The following SCN8A variants were observed in gnomAD, a reference collection of about 807,000 sequenced individuals.
The protein encoded by SCN8A is sodium voltage-gated channel alpha subunit 8, also known as sodium channel protein type 8 subunit alpha.
In SCN8A, 30 loss-of-function variants were observed where a neutral mutation model predicts 184.1. The ratio of observed to expected loss-of-function variants is 0.16; its 90% CI spans 0.12 to 0.22. The LOEUF (loss-of-function observed/expected upper bound fraction) is 0.22, where lower values mean the gene tolerates loss of function less well. Ranked by LOEUF, SCN8A falls within the 10% of genes least tolerant of loss-of-function variation. SCN8A has a pLI of 1.00. For missense variants in SCN8A, 1,057 were observed against 2,498.9 expected, an observed-to-expected ratio of 0.42 and a Z score of 12.30; for synonymous variants, 852 against 907.0, an observed-to-expected ratio of 0.94 and a Z score of 1.09.
At position 51,806,547 on chromosome 12, in the gene SCN8A, C is replaced by T. The variant is rs2138942775; in HGVS notation, c.5061C>T (p.Asn1687=). The change falls in exon 27 of 27, where the codon AAC becomes AAT. Residue 1687 remains asparagine, a synonymous_variant. Coordinates refer to ENST00000627620, the MANE Select transcript of SCN8A (RefSeq NM_001330260.2). The surrounding 1 kb of genome is among the most constrained non-coding windows in gnomAD (Gnocchi z 8.7). ...AGGCTGGTATCGATGACATGTTCAACTTTGAGACATTTGGCAACAGCATGA... is the reference window on the plus strand; with the variant it reads ...AGGCTGGTATCGATGACATGTTCAATTTTGAGACATTTGGCAACAGCATGA... ...KHEAGIDDMF[N]FETFGNSMIC... 6.2e-7 allele frequency: 1 copy of T among 1,614,172 alleles called. No individual in the cohort carries two copies. The highest frequency in any genetic ancestry group is 1.3e-5 in the African/African-American group (1 of 75,042).
intron 26 of SCN8A, among the ~76,000 whole-genome samples, chr12:51,801,450 T>C (rs554660530): frequency 6.6e-6 from 1 of 152,198 alleles, no homozygotes; most frequent in Non-Finnish European, 1.5e-5. Flanking sequence ...CTAAGGTGAC[T>C]AATCCACTCT....
chr12:51,777,443 G>A (rs1472277439), intron 20 of SCN8A, among the ~76,000 whole-genome samples: 1 of 151,938 alleles, frequency 6.6e-6, no homozygotes, highest in East Asian at 1.9e-4. Flanking sequence ...TGAATTTGAT[G>A]TCTCCTCAAT....
At chr12:51,603,710 AC>A (rs1218631637) in intron 1 of SCN8A, among the ~76,000 whole-genome samples, 2 of 152,074 alleles carry the variant, frequency 1.3e-5, no homozygotes, top group African/African-American at 4.8e-5. Flanking sequence ...CCTCATTGGC[AC>A]TTGGAATTGT....
intron 18 of SCN8A, 105 bp from the exon 19 acceptor site, chr12:51,770,424 C>T: frequency 8.0e-7 from 1 of 1,252,776 alleles, no homozygotes; most frequent in Non-Finnish European, 1.1e-6. Context: ...GTCCTCCTGG[C>T]TGTGTGGTGG....
chr12:51,626,704 T>C (rs1222171465), intron 1 of SCN8A, among the ~76,000 whole-genome samples: 1 of 152,040 alleles, frequency 6.6e-6, no homozygotes, highest in Non-Finnish European at 1.5e-5. Flanking sequence ...AGGACAAAAA[T>C]ACATTCTCTC....
At position 51,639,879 on chromosome 12, in the gene SCN8A, C is replaced by CTTTTTTTTTTTTTTTTTTTTTT. The variant is rs71092712; in HGVS notation, c.-54-22868_-54-22847dup. 1.5e-3 allele frequency among the ~76,000 whole-genome samples: 22 copies of CTTTTTTTTTTTTTTTTTTTTTT among 15,072 alleles called. 10 individuals are homozygous for CTTTTTTTTTTTTTTTTTTTTTT. The highest frequency in any genetic ancestry group is 6.5e-3 in the East Asian group (2 of 308). 9.9% of individuals were successfully genotyped at this position (15,072 alleles called of 152,430 possible). ...AGTATTTTTTGAATTAAGGTATATG[C>CTTTTTTTTTTTTTTTTTTTTTT]TTTTTTTTTTTTTTTTTTTTTTTTT... is the stretch of plus-strand genomic sequence containing the variant. On this transcript the variant is annotated intron_variant, in intron 1 of 26. Coordinates refer to ENST00000627620, the MANE Select transcript of SCN8A (RefSeq NM_001330260.2).
chr12:51,802,027 C>G (rs1048432293), intron 26 of SCN8A, among the ~76,000 whole-genome samples: 10 of 151,984 alleles, frequency 6.6e-5, no homozygotes, highest in African/African-American at 2.4e-4. Context: ...TGCACTCTAG[C>G]CTGGGTGACA....
At chr12:51,788,813 C>A in intron 23 of SCN8A, 65 bp downstream of exon 23, 1 of 1,386,942 alleles carries the variant, frequency 7.2e-7, no homozygotes, top group South Asian at 1.3e-5. Context: ...GCATGGTATA[C>A]CGAGCCCACC....
chr12:51,687,917 G>A (rs1941445261), intron 5 of SCN8A, among the ~76,000 whole-genome samples: 1 of 152,172 alleles, frequency 6.6e-6, no homozygotes, highest in Non-Finnish European at 1.5e-5. Flanking sequence ...GAGTGTAGTG[G>A]GGGTGGTGTA....
rs373541157 is a variant in SCN8A at position 51,662,950 on chromosome 12, C to T, written c.133C>T (p.Arg45Trp). 1.9e-6 allele frequency: 3 copies of T among 1,614,004 alleles called. No homozygotes were observed. The highest frequency in any genetic ancestry group is 2.5e-6 in the Non-Finnish European group (3 of 1,179,894). ...ACCACCAAAGGCCGATGGCAGTCAT[C>T]GGGAGGACGATGAGGACAGCAAGCC... ...KKPPKADGSHREDDEDSKPKP... is the reference protein window; with the variant it reads ...KKPPKADGSHWEDDEDSKPKP... The change falls in exon 2 of 27, where the codon CGG becomes TGG. Residue 45 changes from arginine to tryptophan, a missense_variant. Transcript: ENST00000627620.
In SCN8A at chr12:51,807,754, T is replaced by C. The variant is rs1938755603; in HGVS notation, c.*325T>C. The C allele has an allele frequency of 3.2e-6, 1 of 314,866 alleles. No homozygotes were observed. Among genetic ancestry groups the C allele is most frequent in the Non-Finnish European group, 5.8e-6 (1 of 171,352 alleles). The allele number at this position is 314,866 out of a possible 1,614,324, so 19.5% of individuals were successfully genotyped here. A position where few individuals can be genotyped will look rare whatever the true frequency, so the allele number is the denominator to read the frequency against. ...GGCTGCCGGGACCAGCATATTTCCGTTGCAGCCAAATGGATTTTATTTTTT... is the reference window on the plus strand; with the variant it reads ...GGCTGCCGGGACCAGCATATTTCCGCTGCAGCCAAATGGATTTTATTTTTT... On this transcript the variant is annotated 3_prime_UTR_variant, in exon 27 of 27. Coordinates refer to ENST00000627620, the MANE Select transcript of SCN8A (RefSeq NM_001330260.2). This position sits in a 1 kb window ranked among gnomAD's most constrained non-coding sequence, Gnocchi z 4.5.
chr12:51,739,498 TAAAC>T (rs1014586919), intron 12 of SCN8A, among the ~76,000 whole-genome samples: 70 of 152,234 alleles, frequency 4.6e-4, no homozygotes, highest in African/African-American at 1.5e-3. Flanking sequence ...AGCTGGCAAA[TAAAC>T]CTGCTCTGTA....
chr12:51,811,219 A>G lies in SCN8A; in HGVS notation c.*3790A>G, dbSNP rs1592178073. 1 of 152,290 alleles carries G rather than the reference A, an allele frequency of 6.6e-6. No homozygotes were observed. Among genetic ancestry groups the G allele is most frequent in the East Asian group, 1.9e-4 (1 of 5,178 alleles). 9.4% of individuals were successfully genotyped at this position (152,290 alleles called of 1,614,324 possible). On this transcript the variant is annotated 3_prime_UTR_variant, in exon 27 of 27. Coordinates refer to ENST00000627620, the MANE Select transcript of SCN8A (RefSeq NM_001330260.2). ...GGGAAAGGAGGGGAATAGAGGGAAGAGAAATCAAAGGGGCTCTCGCAAAGT... is the reference window on the plus strand; with the variant it reads ...GGGAAAGGAGGGGAATAGAGGGAAGGGAAATCAAAGGGGCTCTCGCAAAGT...
At position 51,760,620 on chromosome 12, in the gene SCN8A, G is replaced by A. The variant is rs183954843; in HGVS notation, c.2371-1883G>A. ...AGCATTTCTATGTGGAGAAACCTCCGATGGGTTTACACTAAGGGTGAAATG... is the reference window on the plus strand; with the variant it reads ...AGCATTTCTATGTGGAGAAACCTCCAATGGGTTTACACTAAGGGTGAAATG... On this transcript the variant is annotated intron_variant, in intron 14 of 26. Transcript: ENST00000627620. 5.0e-4 allele frequency among the ~76,000 whole-genome samples: 76 copies of A among 152,316 alleles called. No individual in the cohort carries two copies. In the East Asian group the frequency reaches 8.3e-3, roughly 17 times the overall value.
rs568436613 is a variant in SCN8A, at chr12:51,594,288, C to T, written c.-55+2929C>T. On this transcript the variant is annotated intron_variant, in intron 1 of 26. Transcript: ENST00000627620. ...TTAATCTCATTGAAAAGGTAATATACATAAAGTTGAAAGACATATAAATTG... is the reference window on the plus strand; with the variant it reads ...TTAATCTCATTGAAAAGGTAATATATATAAAGTTGAAAGACATATAAATTG... Among the ~76,000 whole-genome samples the T allele has an allele frequency of 2.6e-5, 4 of 152,212 alleles. No individual in the cohort carries two copies. In the South Asian group the frequency reaches 6.2e-4, roughly 24 times the overall value.
chr12:51,654,396 G>A (rs1200614368), intron 1 of SCN8A, among the ~76,000 whole-genome samples: 1 of 152,052 alleles, frequency 6.6e-6, no homozygotes, highest in Non-Finnish European at 1.5e-5. Context: ...ATCCAACTTC[G>A]TTCTTTTGCA....
intron 9 of SCN8A, 39 bp from the exon 10 acceptor site, chr12:51,705,378 T>C (rs768795442): frequency 6.2e-7 from 1 of 1,602,616 alleles, no homozygotes; most frequent in Non-Finnish European, 8.5e-7. Context: ...CCGGTTCATT[T>C]GGTACAAGTG....
chr12:51,591,698 C>G (rs184719449), intron 1 of SCN8A, among the ~76,000 whole-genome samples: 1 of 152,288 alleles, frequency 6.6e-6, no homozygotes, highest in South Asian at 2.1e-4. Flanking sequence ...CCCTCCATCC[C>G]TCCCTCAGTG....
chr12:51,724,219 G>C (rs1373761980), intron 12 of SCN8A, among the ~76,000 whole-genome samples: 3 of 152,206 alleles, frequency 2.0e-5, no homozygotes, highest in Non-Finnish European at 2.9e-5. Flanking sequence ...GCTGAGGTGG[G>C]CAGATCACCT....
Sources: allele counts gnomAD v4.1 joint callset (sites outside exome capture counted in the v4.1 genomes callset), GRCh38; gene constraint gnomAD v4.1.1; non-coding constraint Gnocchi (gnomAD v3.1); transcripts MANE v1.5; gene names NCBI Gene and HGNC (gene_info 2026-07-23, HGNC 2026-07-21).